SLC23A2: variants seen among roughly 807,000 people sequenced by gnomAD.
SLC23A2 encodes the protein solute carrier family 23 member 2, also known as Na(+)/L-ascorbic acid transporter 2.
A neutral mutation model predicts 73.3 loss-of-function variants in SLC23A2; 36 were observed. The observed-to-expected ratio is 0.49, with a 90% CI of 0.38 to 0.65. The LOEUF is 0.65. Among genes scored for constraint, SLC23A2 ranks in the 30% least tolerant of loss-of-function variants. The pLI is 0.00. For synonymous variants in SLC23A2, 343 were observed against 327.3 expected (o/e 1.05, Z -0.52); for missense variants, 507 against 841.6 (o/e 0.60, Z 4.92).
Position 4,938,997 on chromosome 20 carries a change from T to C in SLC23A2, c.-154-6281A>G, listed in dbSNP as rs528159013. 2.6e-4 allele frequency among the ~76,000 whole-genome samples: 39 copies of C among 152,082 alleles called. No individual in the cohort carries two copies. In the South Asian group the frequency reaches 6.0e-3, roughly 23 times the overall value. On this transcript the variant is annotated intron_variant, in intron 2 of 16. Coordinates refer to ENST00000338244, the MANE Select transcript of SLC23A2 (RefSeq NM_005116.6). ...TGGCTCACATCTGTAATCCCAACAC[T>C]TTGGGAGACCCAGGCAGAAGGACTG...
chr20:5,002,279 G>A (rs939536138), upstream of SLC23A2, among the ~76,000 whole-genome samples: 1 of 152,216 alleles, frequency 6.6e-6, no homozygotes, highest in Non-Finnish European at 1.5e-5. Context: ...TGCTAAGGCT[G>A]GAGGTCTGGC....
In SLC23A2 at chr20:4,872,744, G is replaced by A. The variant is rs1370320246; in HGVS notation, c.1102+1192C>T. 1.3e-5 allele frequency among the ~76,000 whole-genome samples: 2 copies of A among 151,224 alleles called. No homozygotes were observed. Among genetic ancestry groups the A allele is most frequent in the African/African-American group, 4.9e-5 (2 of 41,164 alleles). ...TTAGACCATACAATCTGATGAGAAAGTTATTTTAGAAAGATGAAACTTTTT... is the reference window on the plus strand; with the variant it reads ...TTAGACCATACAATCTGATGAGAAAATTATTTTAGAAAGATGAAACTTTTT... On this transcript the variant is annotated intron_variant, in intron 11 of 16. Transcript: ENST00000338244. This position sits in a 1 kb window ranked among gnomAD's most constrained non-coding sequence, Gnocchi z 4.4.
chr20:4,982,046 G>A (rs777613328), intron 1 of SLC23A2, among the ~76,000 whole-genome samples: 2 of 149,840 alleles, frequency 1.3e-5, no homozygotes, highest in Non-Finnish European at 3.0e-5. Flanking sequence ...CCAGGCTGGA[G>A]TGCAGTGGCA....
At chr20:4,966,837 C>T (rs6052997) in intron 2 of SLC23A2, among the ~76,000 whole-genome samples, 6,513 of 147,098 alleles carry the variant, frequency 0.044, 185 homozygotes, top group Non-Finnish European at 0.056. Context: ...CACACACACA[C>T]ACACACACAC....
At chr20:4,874,858 A>C (rs560195375) in intron 9 of SLC23A2, among the ~76,000 whole-genome samples, 162 bp from the exon 10 acceptor site, 1 of 152,322 alleles carries the variant, frequency 6.6e-6, no homozygotes, top group African/African-American at 2.4e-5. Context: ...TATCTATTGG[A>C]ATGTACATCT....
At chr20:4,958,929 G>A (rs980077415) in intron 2 of SLC23A2, among the ~76,000 whole-genome samples, 2 of 151,954 alleles carry the variant, frequency 1.3e-5, no homozygotes, top group Admixed American at 1.3e-4. Flanking sequence ...TGTATGAAAG[G>A]GCCAGGTGTG....
At chr20:4,965,966 CAA>C (rs3055921) in intron 2 of SLC23A2, among the ~76,000 whole-genome samples, 4 of 100,026 alleles carry the variant, frequency 4.0e-5, no homozygotes, top group Admixed American at 1.1e-4. Flanking sequence ...GACTCCATCT[CAA>C]AAAAAAAAAA....
At chr20:4,986,194 G>A (rs2087823199) in intron 1 of SLC23A2, among the ~76,000 whole-genome samples, 1 of 152,104 alleles carries the variant, frequency 6.6e-6, no homozygotes, top group Non-Finnish European at 1.5e-5. Flanking sequence ...CTGGCTGGAT[G>A]CAGTGGCTCA....
intron 2 of SLC23A2, among the ~76,000 whole-genome samples, chr20:4,953,258 A>G (rs1012942137): frequency 6.6e-6 from 1 of 152,160 alleles, no homozygotes; most frequent in African/African-American, 2.4e-5. Flanking sequence ...GTCAGCCAAG[A>G]TAGCGCCACT....
At chr20:4,880,138 T>G (rs1176152562) in intron 9 of SLC23A2, among the ~76,000 whole-genome samples, 1 of 152,238 alleles carries the variant, frequency 6.6e-6, no homozygotes, top group African/African-American at 2.4e-5. Context: ...ATGGTTCTCC[T>G]TTTGTATTAG....
intron 1 of SLC23A2, among the ~76,000 whole-genome samples, chr20:5,009,252 A>G (rs930997632): frequency 1.3e-5 from 2 of 152,018 alleles, no homozygotes; most frequent in South Asian, 4.2e-4. Context: ...GCTCCCTTCA[A>G]AAAAGGTGTT....
At chr20:4,929,707 TAGA>T (rs1444446733) in intron 3 of SLC23A2, among the ~76,000 whole-genome samples, 1 of 152,154 alleles carries the variant, frequency 6.6e-6, no homozygotes, top group Non-Finnish European at 1.5e-5. Context: ...ATAAAAATTT[TAGA>T]AGAAGTATAA....
At chr20:4,990,626 G>T (rs1336357617) in intron 1 of SLC23A2, among the ~76,000 whole-genome samples, 1 of 143,680 alleles carries the variant, frequency 7.0e-6, no homozygotes, top group East Asian at 2.2e-4. Flanking sequence ...ACCCACCTCG[G>T]CCTCCCAAAG....
intron 6 of SLC23A2, among the ~76,000 whole-genome samples, chr20:4,893,559 C>T (rs71333978): frequency 0.048 from 7,346 of 152,220 alleles, 266 homozygotes; most frequent in Non-Finnish European, 0.068. Context: ...TGGAGCCACC[C>T]CTTGTACTCA....
upstream of SLC23A2, among the ~76,000 whole-genome samples, chr20:5,004,539 C>T (rs1328041564): frequency 1.3e-5 from 2 of 152,126 alleles, no homozygotes. Flanking sequence ...TCCTTCAGGG[C>T]CTCCCAGTCA....
chr20:4,961,689 C>G (rs149183142), intron 2 of SLC23A2, among the ~76,000 whole-genome samples: 1 of 152,110 alleles, frequency 6.6e-6, no homozygotes, highest in African/African-American at 2.4e-5. Context: ...GAGATTCCAG[C>G]CCTGACTGTG....
At chr20:4,933,442 C>A (rs955257382) in intron 2 of SLC23A2, among the ~76,000 whole-genome samples, 15 of 148,320 alleles carry the variant, frequency 1.0e-4, no homozygotes, top group African/African-American at 3.8e-4. Flanking sequence ...AGTGAAACCC[C>A]GTCTCTACTA....
chr20:4,927,527 C>A (rs1158125350), intron 3 of SLC23A2, among the ~76,000 whole-genome samples: 1 of 152,170 alleles, frequency 6.6e-6, no homozygotes, highest in Non-Finnish European at 1.5e-5. Flanking sequence ...CTATGTGTGT[C>A]AAGTCCCACA....
chr20:4,976,466 G>A (rs1052379987), intron 1 of SLC23A2, among the ~76,000 whole-genome samples: 1 of 149,196 alleles, frequency 6.7e-6, no homozygotes. Flanking sequence ...ACCTGAGGTC[G>A]GGAGTTCGAG....
Sources: gnomAD v4.1 joint callset for allele counts (sites outside exome capture counted in the v4.1 genomes callset) on GRCh38, gnomAD v4.1.1 for gene constraint, Gnocchi (gnomAD v3.1) non-coding constraint, MANE v1.5 for transcripts, NCBI Gene and HGNC (gene_info 2026-07-23, HGNC 2026-07-21) for gene names.